ADARB2: variants seen among roughly 807,000 people sequenced by gnomAD.
ADARB2 encodes the protein inactive double-stranded RNA-specific editase B2.
In ADARB2, 25 loss-of-function variants were observed where a neutral mutation model predicts 62.2. The observed-to-expected ratio is 0.40, with a 90% CI of 0.29 to 0.56. The LOEUF (loss-of-function observed/expected upper bound fraction) is 0.56. ADARB2 is among the 20% of genes least tolerant of loss of function. The pLI, the probability that ADARB2 is intolerant of heterozygous loss-of-function variation, is 0.43. For synonymous variants in ADARB2, 572 were observed against 500.8 expected (o/e 1.14, Z -1.90); for missense variants, 1,071 against 1,077.4 (o/e 0.99, Z 0.08).
intron 7 of ADARB2, among the ~76,000 whole-genome samples, chr10:1,209,137 C>T (rs1837108252): frequency 6.6e-6 from 1 of 152,086 alleles, no homozygotes; most frequent in Non-Finnish European, 1.5e-5. Flanking sequence ...AGGATGGAGA[C>T]AAACGACTCG....
At chr10:1,732,985 T>C (rs976890112) in intron 1 of ADARB2, among the ~76,000 whole-genome samples, 4 of 152,256 alleles carry the variant, frequency 2.6e-5, no homozygotes, top group African/African-American at 9.6e-5. Flanking sequence ...GCTCAAAATG[T>C]ATTTTCAAGT....
intron 5 of ADARB2, chr10:1,240,285 G>A (rs1218502352): frequency 1.7e-5 from 2 of 117,290 alleles, no homozygotes; most frequent in East Asian, 4.8e-4. Flanking sequence ...TCTGCCTCCC[G>A]GTGTTTACTC....
At chr10:1,686,306 C>G (rs377760972) in intron 1 of ADARB2, among the ~76,000 whole-genome samples, 11 of 152,132 alleles carry the variant, frequency 7.2e-5, no homozygotes, top group Non-Finnish European at 1.5e-4. Context: ...ATGAATGGCT[C>G]GGTCATAAAC....
chr10:1,214,741 C>G (rs1837211078), intron 7 of ADARB2, among the ~76,000 whole-genome samples: 1 of 152,248 alleles, frequency 6.6e-6, no homozygotes, highest in African/African-American at 2.4e-5. Context: ...GTGAAAATTA[C>G]TGCTTTTTCC....
intron 1 of ADARB2, among the ~76,000 whole-genome samples, chr10:1,728,005 G>T (rs1428075754): frequency 6.6e-6 from 1 of 152,226 alleles, no homozygotes; most frequent in African/African-American, 2.4e-5. Flanking sequence ...AAAATCAAGT[G>T]TTCTTTCTGT....
intron 1 of ADARB2, among the ~76,000 whole-genome samples, chr10:1,624,824 C>T (rs1221937052): frequency 1.3e-5 from 2 of 151,966 alleles, no homozygotes; most frequent in African/African-American, 2.4e-5. Context: ...AGGAAGTAAA[C>T]TAGAAAGAGA....
intron 1 of ADARB2, among the ~76,000 whole-genome samples, chr10:1,533,187 C>A (rs1055888708): frequency 6.6e-6 from 1 of 151,434 alleles, no homozygotes; most frequent in African/African-American, 2.4e-5. Context: ...GGGGTGATCT[C>A]GGCTCACTGC....
At chr10:1,709,341 G>T (rs973857677) in intron 1 of ADARB2, among the ~76,000 whole-genome samples, 1 of 152,194 alleles carries the variant, frequency 6.6e-6, no homozygotes, top group African/African-American at 2.4e-5. Flanking sequence ...TAAAACTGTA[G>T]TTATGTCTTC....
intron 5 of ADARB2, among the ~76,000 whole-genome samples, chr10:1,240,791 C>G (rs148817820): frequency 6.6e-6 from 1 of 152,232 alleles, no homozygotes; most frequent in Non-Finnish European, 1.5e-5. Flanking sequence ...TTCTCTGACA[C>G]AAACAAGAGT....
intron 1 of ADARB2, among the ~76,000 whole-genome samples, chr10:1,541,033 G>C (rs1447085520): frequency 1.9e-5 from 1 of 52,132 alleles, no homozygotes; most frequent in Non-Finnish European, 3.8e-5. Flanking sequence ...ACCCCACTCA[G>C]ACGCAGTTCA....
chr10:1,411,134 C>T (rs1429490369), intron 1 of ADARB2, among the ~76,000 whole-genome samples: 1 of 152,220 alleles, frequency 6.6e-6, no homozygotes, highest in Non-Finnish European at 1.5e-5. Context: ...GCCTTAGCTT[C>T]CTTGTCTCTC....
At chr10:1,646,874 G>A (rs764703087) in intron 1 of ADARB2, among the ~76,000 whole-genome samples, 1 of 152,210 alleles carries the variant, frequency 6.6e-6, no homozygotes, top group East Asian at 1.9e-4. Context: ...ATGCACCCTT[G>A]GTGCAGTCTT....
intron 1 of ADARB2, among the ~76,000 whole-genome samples, chr10:1,699,286 ACG>A (rs1834792381): frequency 1.2e-4 from 4 of 32,354 alleles, no homozygotes; most frequent in South Asian, 1.7e-3. Context: ...TCGCCAATAC[ACG>A]CAATCCCACT....
intron 1 of ADARB2, among the ~76,000 whole-genome samples, chr10:1,652,468 G>A (rs1392875033): frequency 4.6e-5 from 7 of 152,176 alleles, no homozygotes; most frequent in African/African-American, 1.4e-4. Flanking sequence ...CTCACCTTTT[G>A]GATTCTGTCC....
chr10:1,673,517 CTAG>C (rs374979334), intron 1 of ADARB2, among the ~76,000 whole-genome samples: 2 of 152,072 alleles, frequency 1.3e-5, no homozygotes, highest in African/African-American at 4.8e-5. Context: ...TCTTTACTTT[CTAG>C]TAGTAGTCAC....
intron 1 of ADARB2, among the ~76,000 whole-genome samples, chr10:1,581,033 G>T (rs1376291381): frequency 6.6e-6 from 1 of 152,224 alleles, no homozygotes; most frequent in African/African-American, 2.4e-5. Flanking sequence ...AAGCATCTGT[G>T]TGCAGGATTT....
At chr10:1,226,494 A>G (rs1188187853) in intron 6 of ADARB2, among the ~76,000 whole-genome samples, 1 of 152,188 alleles carries the variant, frequency 6.6e-6, no homozygotes, top group East Asian at 1.9e-4. Context: ...TCTGATTTTT[A>G]GAGTTTCCAG....
intron 3 of ADARB2, among the ~76,000 whole-genome samples, chr10:1,279,383 A>G (rs1831350678): frequency 2.0e-5 from 3 of 152,198 alleles, no homozygotes; most frequent in Admixed American, 6.5e-5. Context: ...TGGCGTGATC[A>G]TAGCTCACTG....
intron 1 of ADARB2, among the ~76,000 whole-genome samples, chr10:1,438,843 T>C (rs77292047): frequency 1.6e-5 from 2 of 125,090 alleles, no homozygotes; most frequent in East Asian, 5.2e-4. Context: ...GGTCCTTCAC[T>C]GTGGGGCTTC....
Sources: gnomAD v4.1 joint callset for allele counts (sites outside exome capture counted in the v4.1 genomes callset) on GRCh38, gnomAD v4.1.1 for gene constraint, MANE v1.5 for transcripts, NCBI Gene and HGNC (gene_info 2026-07-23, HGNC 2026-07-21) for gene names.